F13A1: variants seen among roughly 807,000 people sequenced by gnomAD.
F13A1 encodes the protein FSF, A subunit.
F13A1 carries 47 observed loss-of-function variants against 80.1 expected under a neutral mutation model. The ratio of observed to expected loss-of-function variants is 0.59; its 90% CI spans 0.46 to 0.75. F13A1 has a LOEUF of 0.75. Ranked by LOEUF, F13A1 falls within the 30% of genes least tolerant of loss-of-function variation. F13A1 has a pLI of 0.00. For synonymous variants in F13A1, 349 were observed against 344.9 expected (o/e 1.01, Z -0.13); for missense variants, 817 against 930.4 (o/e 0.88, Z 1.59).
intron 6 of F13A1, among the ~76,000 whole-genome samples, chr6:6,238,518 A>C (rs1034057015): frequency 6.6e-5 from 10 of 152,144 alleles, no homozygotes; most frequent in Admixed American, 1.3e-4. Flanking sequence ...CAATGAAAAA[A>C]TTTGATTTTA....
At chr6:6,301,383 CT>C (rs1758428995) in intron 3 of F13A1, among the ~76,000 whole-genome samples, 1 of 152,102 alleles carries the variant, frequency 6.6e-6, no homozygotes, top group Non-Finnish European at 1.5e-5. Flanking sequence ...TGTCACTTGC[CT>C]TTCTTGTATC....
At chr6:6,291,672 C>T (rs1442437723) in intron 3 of F13A1, among the ~76,000 whole-genome samples, 1 of 152,124 alleles carries the variant, frequency 6.6e-6, no homozygotes, top group Non-Finnish European at 1.5e-5. Flanking sequence ...ACTGCAACCC[C>T]CTTATTTTCC....
chr6:6,266,703 A>G lies in F13A1; in HGVS notation c.426T>C (p.Ser142=). 6.2e-7 allele frequency: 1 copy of G among 1,614,220 alleles called. No individual in the cohort carries two copies. Among genetic ancestry groups the G allele is most frequent in the Non-Finnish European group, 8.5e-7 (1 of 1,180,050 alleles). The change falls in exon 4 of 15, where the codon TCT becomes TCC. Residue 142 remains serine, a synonymous_variant. Transcript: ENST00000264870. ...GAKIVMREDR[S]VRLSIQSSPK... Reference sequence around the variant, plus strand: ...GGGAAGACTGGATGGACAGCCGCACAGACCTGTCCTCTCTCATGACAATCT... The same window carrying G: ...GGGAAGACTGGATGGACAGCCGCACGGACCTGTCCTCTCTCATGACAATCT...
intron 3 of F13A1, among the ~76,000 whole-genome samples, chr6:6,272,388 T>A (rs1284476761): frequency 6.6e-6 from 1 of 152,142 alleles, no homozygotes; most frequent in Non-Finnish European, 1.5e-5. Context: ...TGGAAGAACA[T>A]ACTTGCCATC....
chr6:6,221,479 G>T (rs894563433), intron 8 of F13A1, among the ~76,000 whole-genome samples: 1 of 152,124 alleles, frequency 6.6e-6, no homozygotes, highest in Non-Finnish European at 1.5e-5. Context: ...GTGGTTAATG[G>T]TCAGAAGCAT....
intron 10 of F13A1, among the ~76,000 whole-genome samples, chr6:6,187,979 C>T (rs1761110826): frequency 2.0e-5 from 3 of 149,552 alleles, no homozygotes; most frequent in Admixed American, 6.7e-5. Context: ...GGAATTTATC[C>T]ATTTCTTCTA....
At chr6:6,227,409 C>T (rs1391377295) in intron 6 of F13A1, among the ~76,000 whole-genome samples, 1 of 152,212 alleles carries the variant, frequency 6.6e-6, no homozygotes, top group African/African-American at 2.4e-5. Context: ...TAATTGCAAA[C>T]TCATGCCTTT....
rs2151066567 is a variant in F13A1 at position 6,145,643 on chromosome 6, C to A, written c.2175G>T (p.Gln725His). 1 of 1,614,158 alleles carries A rather than the reference C, an allele frequency of 6.2e-7. No individual in the cohort carries two copies. Among genetic ancestry groups the A allele is most frequent in the South Asian group, 1.1e-5 (1 of 91,080 alleles). ...TTCACATGGAAGGTCGTCTTTGAAT[C>A]TGCACGTCCAGCTCGCCATACACAT... is the stretch of plus-strand genomic sequence containing the variant. ...LRHVYGELDV[Q>H]IQRRPSM The change falls in exon 15 of 15, where the codon CAG (glutamine) becomes CAT (histidine). Residue 725 changes from glutamine to histidine, a missense_variant. Transcript: ENST00000264870.
intron 8 of F13A1, among the ~76,000 whole-genome samples, chr6:6,220,950 G>A (rs1398921314): frequency 6.6e-6 from 1 of 152,156 alleles, no homozygotes; most frequent in African/African-American, 2.4e-5. Flanking sequence ...TGCTACAACT[G>A]TGATCCATTC....
chr6:6,164,125 A>G (rs771778057), intron 13 of F13A1, among the ~76,000 whole-genome samples: 1 of 152,186 alleles, frequency 6.6e-6, no homozygotes, highest in Non-Finnish European at 1.5e-5. Context: ...GAAAAAAACC[A>G]AACAACCCCA....
chr6:6,315,335 T>A (rs1161579590), intron 2 of F13A1, among the ~76,000 whole-genome samples: 1 of 152,282 alleles, frequency 6.6e-6, no homozygotes, highest in East Asian at 1.9e-4. Flanking sequence ...ACAACTGAAT[T>A]CAAAGGGTGA....
rs545850025 is a variant in F13A1 at position 6,199,912 on chromosome 6, C to T, written c.1113-2586G>A. 7.9e-5 allele frequency among the ~76,000 whole-genome samples: 12 copies of T among 152,226 alleles called. No homozygotes were observed. In the South Asian group the frequency reaches 2.5e-3, roughly 32 times the overall value. ...GGGAGAGAAGCCATTGGGGATACAA[C>T]CCACAGGTTTAGGGAGATGTGAGGG... On this transcript the variant is annotated intron_variant, in intron 8 of 14. Coordinates refer to ENST00000264870, the MANE Select transcript of F13A1 (RefSeq NM_000129.4).
rs938285008 is a variant in F13A1, at chr6:6,174,197, C to G, written c.1747+383G>C. ...CTGAGGTCAGGAGTTTGAGATCAGC[C>G]TGGCCAACATAGTGAAATCCCGTCT... On this transcript the variant is annotated intron_variant, in intron 12 of 14. Transcript: ENST00000264870. 2.0e-4 allele frequency among the ~76,000 whole-genome samples: 31 copies of G among 152,066 alleles called. 1 individual carries two copies. The highest frequency in any genetic ancestry group is 1.5e-5 in the Non-Finnish European group (1 of 68,030).
intron 13 of F13A1, among the ~76,000 whole-genome samples, chr6:6,156,507 C>T (rs890628737): frequency 6.6e-6 from 1 of 152,174 alleles, no homozygotes; most frequent in African/African-American, 2.4e-5. Context: ...CACCTAACAG[C>T]TCTTATTTCA....
chr6:6,226,477 A>G (rs184797336), intron 6 of F13A1, among the ~76,000 whole-genome samples: 24 of 152,356 alleles, frequency 1.6e-4, no homozygotes, highest in African/African-American at 5.5e-4. Flanking sequence ...TGATTGAAGC[A>G]TGTGTGTTTT....
intron 6 of F13A1, among the ~76,000 whole-genome samples, chr6:6,230,030 C>A (rs1475763340): frequency 6.6e-6 from 1 of 152,162 alleles, no homozygotes; most frequent in African/African-American, 2.4e-5. Context: ...GGATAAAACT[C>A]CACATGGAGA....
intron 3 of F13A1, among the ~76,000 whole-genome samples, chr6:6,292,433 G>C (rs1421309631): frequency 6.6e-6 from 1 of 152,016 alleles, no homozygotes; most frequent in Non-Finnish European, 1.5e-5. Context: ...CTCAAACCCT[G>C]TCACTCCTGT....
At chr6:6,285,836 C>G (rs1337617438) in intron 3 of F13A1, among the ~76,000 whole-genome samples, 18 of 152,166 alleles carry the variant, frequency 1.2e-4, no homozygotes. Context: ...AGCAGCTTCC[C>G]AATAAAACCT....
rs150244594 is a variant in F13A1 at position 6,229,537 on chromosome 6, T to C, written c.799-4677A>G. Among the ~76,000 whole-genome samples the C allele has an allele frequency of 6.3e-3, 960 of 152,280 alleles. 13 individuals are homozygous for C. Among genetic ancestry groups the C allele is most frequent in the African/African-American group, 0.021 (886 of 41,550 alleles). ...TATGGAAAACAAAGATGATACAACA[T>C]AAGGATGATTAGTGTCCTTAAAATA... On this transcript the variant is annotated intron_variant, in intron 6 of 14. Coordinates refer to ENST00000264870, the MANE Select transcript of F13A1 (RefSeq NM_000129.4).
Sources: allele counts gnomAD v4.1 joint callset (sites outside exome capture counted in the v4.1 genomes callset), GRCh38; gene constraint gnomAD v4.1.1; transcripts MANE v1.5; gene names NCBI Gene and HGNC (gene_info 2026-07-23, HGNC 2026-07-21).